Variants in RBFOX1 observed in about 807,000 individuals in gnomAD.
RBFOX1 encodes RNA binding protein fox-1 homolog 1.
Under a neutral mutation model 57.7 loss-of-function variants are expected in RBFOX1, and 8 were observed. The ratio of observed to expected loss-of-function variants is 0.14; its 90% CI spans 0.08 to 0.25. The LOEUF (loss-of-function observed/expected upper bound fraction) is 0.25, where lower values mean the gene tolerates loss of function less well. RBFOX1 is among the 10% of genes least tolerant of loss of function. The probability of loss-of-function intolerance (pLI) is 1.00; values close to 1 mark genes in which losing one functional copy is unlikely to be tolerated. For missense variants in RBFOX1, 611 were observed against 548.5 expected (o/e 1.11, Z -1.14); for synonymous variants, 326 against 222.4 (o/e 1.47, Z -4.15).
intron 1 of RBFOX1, among the ~76,000 whole-genome samples, chr16:5,462,808 G>A (rs1161319766): frequency 6.6e-6 from 1 of 152,096 alleles, no homozygotes; most frequent in African/African-American, 2.4e-5. Flanking sequence ...TGGAGGAGGC[G>A]ATGTAAGAGT....
chr16:6,795,304 C>A (rs2083751008), intron 3 of RBFOX1, among the ~76,000 whole-genome samples: 2 of 152,066 alleles, frequency 1.3e-5, no homozygotes, highest in African/African-American at 4.8e-5. Flanking sequence ...TCATCTAATT[C>A]AGTGATTTTT....
intron 1 of RBFOX1, among the ~76,000 whole-genome samples, chr16:6,314,036 G>T (rs527491465): frequency 6.6e-6 from 1 of 152,228 alleles, no homozygotes; most frequent in African/African-American, 2.4e-5. Context: ...TCAACTGTAG[G>T]TTGGATTAAG....
intron 4 of RBFOX1, among the ~76,000 whole-genome samples, chr16:7,375,828 T>C (rs1482509342): frequency 6.6e-6 from 1 of 152,210 alleles, no homozygotes; most frequent in Non-Finnish European, 1.5e-5. Context: ...ATTAAGACAC[T>C]AGCAATAATT....
At chr16:6,361,814 G>A (rs922905124) in intron 2 of RBFOX1, among the ~76,000 whole-genome samples, 2 of 152,106 alleles carry the variant, frequency 1.3e-5, no homozygotes, top group East Asian at 3.8e-4. Flanking sequence ...CCAAAATTGA[G>A]AACCACTGGG....
At chr16:7,045,476 T>A (rs899267886) in intron 3 of RBFOX1, among the ~76,000 whole-genome samples, 2 of 152,180 alleles carry the variant, frequency 1.3e-5, no homozygotes, top group Non-Finnish European at 2.9e-5. Context: ...TTGGCTACTG[T>A]TGGATTTTGC....
intron 3 of RBFOX1, among the ~76,000 whole-genome samples, chr16:6,818,340 C>T (rs534783520): frequency 2.0e-4 from 30 of 152,114 alleles, no homozygotes; most frequent in African/African-American, 6.0e-4. Flanking sequence ...GTGTGACATA[C>T]GGAGCTCACC....
chr16:6,006,586 G>T (rs2094928640), intron 4 of RBFOX1, among the ~76,000 whole-genome samples: 1 of 152,168 alleles, frequency 6.6e-6, no homozygotes, highest in East Asian at 1.9e-4. Flanking sequence ...CCTAAAGCCA[G>T]TTTTCCTTAT....
intron 14 of RBFOX1, among the ~76,000 whole-genome samples, chr16:7,695,394 G>A (rs1176146901): frequency 1.1e-5 from 1 of 91,462 alleles, no homozygotes; most frequent in Non-Finnish European, 2.5e-5. Flanking sequence ...TCTCCTACAT[G>A]CTGAAAAAAC....
intron 4 of RBFOX1, among the ~76,000 whole-genome samples, chr16:7,211,668 T>G (rs61175216): frequency 0.23 from 34,986 of 151,922 alleles, 4,930 homozygotes; most frequent in African/African-American, 0.39. Flanking sequence ...TGAACAAGAA[T>G]GTAAGTTACA....
intron 3 of RBFOX1, among the ~76,000 whole-genome samples, chr16:6,758,900 CAT>C (rs1378512890): frequency 6.6e-6 from 1 of 151,964 alleles, no homozygotes; most frequent in Non-Finnish European, 1.5e-5. Flanking sequence ...CTGAAGGTGA[CAT>C]GTGTTCAGGG....
intron 1 of RBFOX1, among the ~76,000 whole-genome samples, chr16:6,180,271 GT>G (rs71404594): frequency 3.3e-5 from 5 of 151,612 alleles, no homozygotes; most frequent in African/African-American, 1.2e-4. Context: ...TTTATGTGAA[GT>G]TTTTTTTGCC....
intron 14 of RBFOX1, among the ~76,000 whole-genome samples, chr16:7,705,133 A>G (rs1380580958): frequency 6.6e-6 from 1 of 152,112 alleles, no homozygotes. Flanking sequence ...TGAAACATAA[A>G]AGATGAAAGT....
At chr16:6,129,696 T>A (rs1486544192) in intron 1 of RBFOX1, among the ~76,000 whole-genome samples, 4 of 71,490 alleles carry the variant, frequency 5.6e-5, no homozygotes, top group Admixed American at 1.8e-4. Flanking sequence ...TAAATACAGG[T>A]AGAATTAAAA....
chr16:6,593,320 G>A (rs1271781590), intron 2 of RBFOX1, among the ~76,000 whole-genome samples: 19 of 152,174 alleles, frequency 1.2e-4, no homozygotes, highest in Non-Finnish European at 2.8e-4. Flanking sequence ...ACCAGGTGGT[G>A]TTATAATCAG....
chr16:7,170,256 C>T (rs2080419988), intron 4 of RBFOX1, among the ~76,000 whole-genome samples: 1 of 152,122 alleles, frequency 6.6e-6, no homozygotes, highest in Non-Finnish European at 1.5e-5. Context: ...TATCCTCCTG[C>T]TCCTCACCAC....
At chr16:7,127,396 C>T (rs2068882939) in intron 4 of RBFOX1, among the ~76,000 whole-genome samples, 1 of 152,184 alleles carries the variant, frequency 6.6e-6, no homozygotes, top group Admixed American at 6.5e-5. Context: ...TACTTATTAT[C>T]ACCCTATGCA....
intron 5 of RBFOX1, among the ~76,000 whole-genome samples, chr16:7,561,110 C>G (rs1375603822): frequency 1.3e-5 from 2 of 152,188 alleles, no homozygotes; most frequent in Non-Finnish European, 2.9e-5. Flanking sequence ...AAAATGGTAG[C>G]TGAGTTGAAC....
intron 1 of RBFOX1, among the ~76,000 whole-genome samples, chr16:5,249,744 G>A (rs568098680): frequency 1.1e-4 from 17 of 152,308 alleles, no homozygotes; most frequent in Middle Eastern, 3.4e-3. Context: ...CAAGGTGGGC[G>A]GGCCAGGAAT....
chr16:5,652,833 C>T (rs1452594937), intron 3 of RBFOX1, among the ~76,000 whole-genome samples: 1 of 152,230 alleles, frequency 6.6e-6, no homozygotes, highest in East Asian at 1.9e-4. Flanking sequence ...TCTTTGTAAG[C>T]TTTCCAGGTC....
Sources: gnomAD v4.1 joint callset for allele counts (sites outside exome capture counted in the v4.1 genomes callset) on GRCh38, gnomAD v4.1.1 for gene constraint, MANE v1.5 for transcripts, NCBI Gene and HGNC (gene_info 2026-07-23, HGNC 2026-07-21) for gene names.